Variants in TXNDC15 observed in about 807,000 individuals in gnomAD.
The protein encoded by TXNDC15 is thioredoxin domain containing 15, also known as thioredoxin domain-containing protein 15.
Under a neutral mutation model 35.0 loss-of-function variants are expected in TXNDC15, and 24 were observed. That is an observed-to-expected ratio of 0.68 (90% CI 0.50 to 0.96). TXNDC15 has a LOEUF of 0.96. TXNDC15 is among the 40% of genes least tolerant of loss of function. The probability of loss-of-function intolerance (pLI) is 0.00; values close to 1 mark genes in which losing one functional copy is unlikely to be tolerated. For synonymous variants in TXNDC15, 169 were observed against 174.0 expected (o/e 0.97, Z 0.23); for missense variants, 385 against 453.3 (o/e 0.85, Z 1.37).
chr5:134,885,651 T>G (rs1274447660), intron 1 of TXNDC15, among the ~76,000 whole-genome samples: 2 of 152,218 alleles, frequency 1.3e-5, no homozygotes, highest in African/African-American at 2.4e-5. Flanking sequence ...CCTTGGACTC[T>G]TAGCTCCATC....
In TXNDC15 at chr5:134,884,981, G is replaced by C. The variant is rs1750246962; in HGVS notation, c.104-2714G>C. Among the ~76,000 whole-genome samples, 3 of 150,990 alleles carry C rather than the reference G, an allele frequency of 2.0e-5. No homozygotes were observed. The South Asian group carries it at 6.3e-4, about 32-fold the overall frequency. ...CTTGTTGCCCAGGCTGGAGTGCAGTGGCATGATCTCGGCTCATTGCAACCT... is the reference window on the plus strand; with the variant it reads ...CTTGTTGCCCAGGCTGGAGTGCAGTCGCATGATCTCGGCTCATTGCAACCT... On this transcript the variant is annotated intron_variant, in intron 1 of 4. Transcript: ENST00000358387.
In TXNDC15 at chr5:134,887,925, G is replaced by A. The variant is rs560905097; in HGVS notation, c.334G>A (p.Val112Ile). The A allele has an allele frequency of 1.4e-5, 23 of 1,614,208 alleles. No homozygotes were observed. The highest frequency in any genetic ancestry group is 8.0e-5 in the African/African-American group (6 of 75,052). Residue 112 changes from valine (V) to isoleucine (I), a missense_variant, in exon 2 of 5, where the codon GTC becomes ATC. Transcript: ENST00000358387. ...EDKVSSEPSG[V>I]TCGAGGAEDS... The stretch of plus-strand genomic sequence containing the variant: ...CAAAGTGAGTTCAGAGCCTAGCGGC[G>A]TCACCTGTGGTGCTGGAGGAGCGGA...
At chr5:134,878,815 A>G (rs1750088122) in intron 1 of TXNDC15, among the ~76,000 whole-genome samples, 1 of 152,240 alleles carries the variant, frequency 6.6e-6, no homozygotes, top group African/African-American at 2.4e-5. Flanking sequence ...CCTGGCCAAC[A>G]TGGTGAAACC....
intron 1 of TXNDC15, among the ~76,000 whole-genome samples, chr5:134,884,261 T>C (rs1261464005): frequency 1.3e-5 from 2 of 151,592 alleles, no homozygotes; most frequent in African/African-American, 4.8e-5. Flanking sequence ...CTTTTTTTTT[T>C]TCCCGAGACA....
intron 1 of TXNDC15, chr5:134,875,137 A>C (rs758033703): frequency 2.2e-6 from 1 of 456,168 alleles, no homozygotes; most frequent in Non-Finnish European, 4.4e-6. Context: ...AGCTCCCTGC[A>C]TGAAAAACAG....
At chr5:134,883,985 G>A (rs1365648545) in intron 1 of TXNDC15, among the ~76,000 whole-genome samples, 4 of 151,212 alleles carry the variant, frequency 2.6e-5, no homozygotes, top group East Asian at 3.9e-4. Context: ...TTGGGATGCC[G>A]AGGCGGGAGG....
intron 2 of TXNDC15, 42 bp from the exon 3 acceptor site, chr5:134,893,450 T>A (rs763130275): frequency 5.6e-6 from 9 of 1,609,648 alleles, no homozygotes; most frequent in South Asian, 5.5e-5. Context: ...CAGAAAAATG[T>A]ACTTTTACTG....
chr5:134,884,620 G>A (rs1206548753), intron 1 of TXNDC15, among the ~76,000 whole-genome samples: 1 of 152,084 alleles, frequency 6.6e-6, no homozygotes, highest in Non-Finnish European at 1.5e-5. Flanking sequence ...AGGCTGGAGT[G>A]CAATGGCTTG....
At chr5:134,896,646 T>G (rs1435874854) in intron 4 of TXNDC15, among the ~76,000 whole-genome samples, 1 of 149,414 alleles carries the variant, frequency 6.7e-6, no homozygotes, top group Non-Finnish European at 1.5e-5. Flanking sequence ...ATACTTTTTT[T>G]TTCCCTTTTT....
intron 1 of TXNDC15, chr5:134,875,095 G>T (rs1014851200): frequency 4.4e-6 from 2 of 455,906 alleles, no homozygotes; most frequent in African/African-American, 4.0e-5. Flanking sequence ...CCACGCTGCT[G>T]GACCACTGTC....
intron 1 of TXNDC15, among the ~76,000 whole-genome samples, chr5:134,885,955 A>C (rs1750267508): frequency 6.6e-6 from 1 of 152,244 alleles, no homozygotes; most frequent in African/African-American, 2.4e-5. Flanking sequence ...ATGAATCCAC[A>C]GAGCTCTATG....
intron 1 of TXNDC15, among the ~76,000 whole-genome samples, chr5:134,876,439 C>T (rs1750035713): frequency 6.6e-6 from 1 of 152,238 alleles, no homozygotes. Context: ...GACTACTTCT[C>T]TCTCCAGACT....
intron 1 of TXNDC15, among the ~76,000 whole-genome samples, chr5:134,885,979 T>A (rs1750268426): frequency 6.6e-6 from 1 of 152,198 alleles, no homozygotes; most frequent in African/African-American, 2.4e-5. Flanking sequence ...TAGTGTGAGG[T>A]AGATCAGTAG....
chr5:134,880,440 A>T (rs368127230), intron 1 of TXNDC15, among the ~76,000 whole-genome samples: 283 of 142,480 alleles, frequency 2.0e-3, no homozygotes, highest in Middle Eastern at 3.6e-3. Context: ...TTCACTTATT[A>T]TTTTTTTTTT....
At chr5:134,893,227 GC>G in intron 2 of TXNDC15, 1 of 376,348 alleles carries the variant, frequency 2.7e-6, no homozygotes, top group East Asian at 4.3e-5. Flanking sequence ...TATTAGGAAA[GC>G]GCAGAGGAAA....
At chr5:134,895,932 T>C (rs1750480999) in intron 3 of TXNDC15, 1 of 190,148 alleles carries the variant, frequency 5.3e-6, no homozygotes, top group South Asian at 1.0e-4. Flanking sequence ...GGGATGGGCA[T>C]TCTGAAGAGT....
intron 1 of TXNDC15, among the ~76,000 whole-genome samples, chr5:134,883,010 C>T (rs967742625): frequency 6.6e-6 from 1 of 152,236 alleles, no homozygotes; most frequent in African/African-American, 2.4e-5. Context: ...ACGATTTGGG[C>T]TGGGCACGGT....
intron 2 of TXNDC15, 150 bp from the exon 3 acceptor site, chr5:134,893,342 A>C: frequency 1.2e-6 from 1 of 845,640 alleles, no homozygotes; most frequent in Non-Finnish European, 1.8e-6. Flanking sequence ...CATATGGTTC[A>C]AAATCCAAAA....
At position 134,883,589 on chromosome 5, in the gene TXNDC15, A is replaced by AAAAAAAAAAAAAAAAG. The variant is rs1750208154; in HGVS notation, c.104-4091_104-4090insGAAAAAAAAAAAAAAA. Among the ~76,000 whole-genome samples the AAAAAAAAAAAAAAAAG allele has an allele frequency of 9.6e-3, 106 of 11,098 alleles. 1 individual carries two copies. The highest frequency in any genetic ancestry group is 0.047 in the African/African-American group (100 of 2,132). 7.3% of individuals were successfully genotyped at this position (11,098 alleles called of 152,430 possible). On this transcript the variant is annotated intron_variant, in intron 1 of 4. Coordinates refer to ENST00000358387, the MANE Select transcript of TXNDC15 (RefSeq NM_024715.4). ...GGTGACAGAGCGAGACCCTGTCTCA[A>AAAAAAAAAAAAAAAAG]AAAAAAAAAAAAAAAAAAAAAAGAA...
Sources: gnomAD v4.1 joint callset for allele counts (sites outside exome capture counted in the v4.1 genomes callset) on GRCh38, gnomAD v4.1.1 for gene constraint, MANE v1.5 for transcripts, NCBI Gene and HGNC (gene_info 2026-07-23, HGNC 2026-07-21) for gene names.